The following FGD6 variants were observed in gnomAD, a reference collection of about 807,000 sequenced individuals.
The protein encoded by FGD6 is FYVE, RhoGEF and PH domain-containing protein 6.
A neutral mutation model predicts 149.4 loss-of-function variants in FGD6; 90 were observed. The ratio of observed to expected loss-of-function variants is 0.60; its 90% confidence interval spans 0.51 to 0.72. The LOEUF (loss-of-function observed/expected upper bound fraction) is 0.72, where lower values mean the gene tolerates loss of function less well. FGD6 is among the 30% of genes least tolerant of loss of function. The pLI, the probability that FGD6 is intolerant of heterozygous loss-of-function variation, is 0.00. For synonymous variants in FGD6, 527 were observed against 584.0 expected (o/e 0.90, Z 1.41); for missense variants, 1,437 against 1,684.8 (o/e 0.85, Z 2.57).
intron 14 of FGD6, among the ~76,000 whole-genome samples, chr12:95,100,055 TC>T (rs33962935): frequency 0.017 from 2,184 of 128,772 alleles, 23 homozygotes; most frequent in East Asian, 0.082. Context: ...ACTTTTCTGA[TC>T]CCCCCCCCCC....
intron 20 of FGD6, 123 bp from the exon 21 acceptor site, chr12:95,081,679 A>G: frequency 8.9e-6 from 3 of 337,228 alleles, no homozygotes; most frequent in Non-Finnish European, 1.5e-5. Flanking sequence ...ATATATATAT[A>G]TATGTATTTT....
chr12:95,142,896 A>G (rs77529723), intron 5 of FGD6, among the ~76,000 whole-genome samples: 29,401 of 151,944 alleles, frequency 0.19, 3,070 homozygotes, highest in Non-Finnish European at 0.21. Flanking sequence ...TATCTGTACC[A>G]TGTTTTAATA....
chr12:95,092,354 A>C (rs751551965), intron 16 of FGD6, among the ~76,000 whole-genome samples: 9 of 152,204 alleles, frequency 5.9e-5, no homozygotes, highest in Non-Finnish European at 1.0e-4. Flanking sequence ...CCCCGTACTG[A>C]ATACTATGGA....
At chr12:95,095,035 G>A (rs1303084086) in intron 14 of FGD6, among the ~76,000 whole-genome samples, 1 of 152,052 alleles carries the variant, frequency 6.6e-6, no homozygotes, top group Non-Finnish European at 1.5e-5. Flanking sequence ...ATATAGCCAG[G>A]GAGTTTCTTA....
chr12:95,120,054 C>A (rs1163116357), intron 8 of FGD6, among the ~76,000 whole-genome samples: 1 of 151,718 alleles, frequency 6.6e-6, no homozygotes, highest in African/African-American at 2.4e-5. Flanking sequence ...CATGGTGAAA[C>A]CCCATCTCTA....
chr12:95,186,521 GAA>G (rs57464025), intron 2 of FGD6, among the ~76,000 whole-genome samples: 7 of 136,398 alleles, frequency 5.1e-5, no homozygotes, highest in African/African-American at 2.7e-5. Flanking sequence ...CTTAAATCAT[GAA>G]AAAAAAAAAA....
At chr12:95,178,701 A>T (rs993459271) in intron 2 of FGD6, among the ~76,000 whole-genome samples, 1 of 152,212 alleles carries the variant, frequency 6.6e-6, no homozygotes, top group Non-Finnish European at 1.5e-5. Flanking sequence ...TTCAGTTTTT[A>T]AAATCCTATA....
At position 95,080,364 on chromosome 12, in the gene FGD6, T is replaced by C. The variant is rs1270659555; in HGVS notation, c.*1156A>G. ...TCTTCTGCTAATCAACAATTGTATG[T>C]GCAAGGTAGTTCATATGTTAAACAG... On this transcript the variant is annotated 3_prime_UTR_variant, in exon 21 of 21. Coordinates refer to ENST00000343958, the MANE Select transcript of FGD6 (RefSeq NM_018351.4). 1 of 152,222 alleles carries C rather than the reference T, an allele frequency of 6.6e-6. No homozygotes were observed. The highest frequency in any genetic ancestry group is 2.4e-5 in the African/African-American group (1 of 41,460). The allele number at this position is 152,222 out of a possible 1,614,324, so 9.4% of individuals were successfully genotyped here.
intron 15 of FGD6, 132 bp downstream of exon 15, chr12:95,094,460 T>C (rs1390276036): frequency 1.6e-6 from 1 of 613,856 alleles, no homozygotes; most frequent in Non-Finnish European, 2.8e-6. Flanking sequence ...GACATTAATC[T>C]GTAGAGTAAC....
chr12:95,201,739 A>C (rs2056663526), intron 2 of FGD6, among the ~76,000 whole-genome samples: 1 of 152,156 alleles, frequency 6.6e-6, no homozygotes, highest in Non-Finnish European at 1.5e-5. Context: ...TTACAAAGCA[A>C]TGTTTGTCTC....
At chr12:95,185,823 T>C (rs1881413655) in intron 2 of FGD6, among the ~76,000 whole-genome samples, 1 of 152,106 alleles carries the variant, frequency 6.6e-6, no homozygotes, top group African/African-American at 2.4e-5. Flanking sequence ...ATTGCACCAT[T>C]GCACTCCAGC....
At chr12:95,090,307 G>A (rs1347278564) in intron 17 of FGD6, among the ~76,000 whole-genome samples, 6 of 152,058 alleles carry the variant, frequency 3.9e-5, no homozygotes, top group Admixed American at 1.3e-4. Flanking sequence ...AAAAAAAAGG[G>A]GCTGGTTTGA....
chr12:95,129,214 T>C (rs1358032421), intron 8 of FGD6, among the ~76,000 whole-genome samples: 3 of 152,294 alleles, frequency 2.0e-5, no homozygotes, highest in East Asian at 1.9e-4. Flanking sequence ...GTCCTTTCCA[T>C]AATTTTGTGA....
intron 8 of FGD6, among the ~76,000 whole-genome samples, chr12:95,117,440 T>C (rs938472758): frequency 3.9e-5 from 6 of 151,972 alleles, no homozygotes; most frequent in African/African-American, 1.5e-4. Context: ...TTCTTTCTTT[T>C]TTTGGAGGGT....
intron 5 of FGD6, among the ~76,000 whole-genome samples, chr12:95,146,498 T>G (rs1032530699): frequency 2.0e-5 from 3 of 152,110 alleles, no homozygotes; most frequent in Non-Finnish European, 4.4e-5. Context: ...TTTTTCACAC[T>G]GGAAAAGCTG....
chr12:95,149,989 AT>A (rs1336185959), intron 5 of FGD6, among the ~76,000 whole-genome samples: 1 of 98,262 alleles, frequency 1.0e-5, no homozygotes, highest in East Asian at 3.6e-4. Context: ...TATATGCTAT[AT>A]ATTACACACA....
chr12:95,210,625 A>G lies in FGD6; in HGVS notation c.659T>C (p.Ile220Thr), dbSNP rs745836980. 1 of 1,614,182 alleles carries G rather than the reference A, an allele frequency of 6.2e-7. No homozygotes were observed. The highest frequency in any genetic ancestry group is 1.1e-5 in the South Asian group (1 of 91,082). The change falls in exon 2 of 21, where the codon ATT (isoleucine) becomes ACT (threonine). Residue 220 changes from isoleucine (I) to threonine (T), a missense_variant. Around this residue, in one of 2 missense-constraint regions of FGD6, gnomAD observed 1,055 missense variants for 1,146.0 expected, o/e 0.92. Coordinates refer to ENST00000343958, the MANE Select transcript of FGD6 (RefSeq NM_018351.4). ...GGCNSNGQFR[I>T]EFADLSPSPS... ...GGAAGGTGACAAATCCGCAAATTCA[A>G]TTCTGAATTGTCCATTTGAATTACA...
At chr12:95,192,255 A>G (rs533689591) in intron 2 of FGD6, among the ~76,000 whole-genome samples, 2 of 152,296 alleles carry the variant, frequency 1.3e-5, no homozygotes, top group East Asian at 1.9e-4. Flanking sequence ...CAGAATGTAC[A>G]TGTATTTTTT....
At chr12:95,138,888 C>A (rs903586529) in intron 6 of FGD6, among the ~76,000 whole-genome samples, 1 of 152,182 alleles carries the variant, frequency 6.6e-6, no homozygotes, top group African/African-American at 2.4e-5. Context: ...TGGTAGTTTT[C>A]TTGTCTATTT....
Sources: allele counts gnomAD v4.1 joint callset (sites outside exome capture counted in the v4.1 genomes callset), GRCh38; gene constraint gnomAD v4.1.1; regional missense constraint gnomAD v4.1.1; transcripts MANE v1.5; gene names NCBI Gene and HGNC (gene_info 2026-07-23, HGNC 2026-07-21).